Variants in CLYBL observed in about 807,000 individuals in gnomAD.
The protein encoded by CLYBL is citramalyl-CoA lyase, mitochondrial.
A neutral mutation model predicts 38.9 loss-of-function variants in CLYBL; 31 were observed. The observed-to-expected ratio is 0.80, with a 90% CI of 0.60 to 1.08. CLYBL has a LOEUF of 1.08. CLYBL is among the 50% of genes least tolerant of loss of function. The probability of loss-of-function intolerance (pLI) is 0.00; values close to 1 mark genes in which losing one functional copy is unlikely to be tolerated. For missense variants in CLYBL, 434 were observed against 411.6 expected (o/e 1.05, Z -0.47); for synonymous variants, 171 against 158.6 (o/e 1.08, Z -0.59).
intron 2 of CLYBL, among the ~76,000 whole-genome samples, chr13:99,828,866 G>C (rs950658441): frequency 6.6e-6 from 1 of 151,994 alleles, no homozygotes; most frequent in Non-Finnish European, 1.5e-5. Flanking sequence ...GCTCCATCAC[G>C]GTGTCCAAAA....
At chr13:99,773,414 G>A (rs2049442225) in intron 2 of CLYBL, among the ~76,000 whole-genome samples, 1 of 152,164 alleles carries the variant, frequency 6.6e-6, no homozygotes. Flanking sequence ...AGCAGTGGGT[G>A]AACAAGCATT....
chr13:99,866,241 T>G lies in CLYBL; in HGVS notation c.636T>G (p.Gly212=). The G allele has an allele frequency of 6.2e-7, 1 of 1,612,640 alleles. No individual in the cohort carries two copies. The change falls in exon 6 of 9, where the codon GGT becomes GGG. Residue 212 remains glycine, a splice_region_variant and synonymous_variant. Transcript: ENST00000339105. The stretch of plus-strand genomic sequence containing the variant: ...TTTCTGTTAACATCCCATTTTCAGG[T>G]GCAACAAGTAGTAAAGAAACCCTGG... ...FGGEDFRASI[G]ATSSKETLDI... is the part of the protein sequence containing the mutation.
intron 2 of CLYBL, among the ~76,000 whole-genome samples, chr13:99,774,201 C>T (rs2049461610): frequency 6.6e-6 from 1 of 151,960 alleles, no homozygotes; most frequent in Non-Finnish European, 1.5e-5. Context: ...CCACTGCACT[C>T]CAGCTTGGGC....
chr13:99,862,970 C>T, intron 3 of CLYBL, 21 bp from the exon 4 acceptor site: 2 of 1,460,942 alleles, frequency 1.4e-6, no homozygotes, highest in South Asian at 1.2e-5. Flanking sequence ...CACTAATCAC[C>T]TATGACACTT....
chr13:99,826,242 G>A (rs2050693694), intron 2 of CLYBL, among the ~76,000 whole-genome samples: 1 of 152,194 alleles, frequency 6.6e-6, no homozygotes, highest in Non-Finnish European at 1.5e-5. Context: ...CCCTCCATAA[G>A]GTGAGTGGGC....
chr13:99,848,456 T>G (rs2051257800), intron 2 of CLYBL, among the ~76,000 whole-genome samples: 1 of 152,204 alleles, frequency 6.6e-6, no homozygotes, highest in Non-Finnish European at 1.5e-5. Context: ...AGGCAGAATC[T>G]GGGCATGGTA....
intron 7 of CLYBL, among the ~76,000 whole-genome samples, chr13:99,875,839 T>C (rs2052024914): frequency 6.6e-6 from 1 of 152,160 alleles, no homozygotes; most frequent in Non-Finnish European, 1.5e-5. Context: ...TAACTCTGTT[T>C]TAGAGATTCT....
chr13:99,743,614 G>C (rs1193558759), intron 1 of CLYBL, among the ~76,000 whole-genome samples: 3 of 152,206 alleles, frequency 2.0e-5, no homozygotes, highest in African/African-American at 7.2e-5. Flanking sequence ...TGGCTGTACT[G>C]AGGAAACGCT....
rs138196722 is a variant in CLYBL at position 99,719,457 on chromosome 13, T to C, written c.63-53367T>C. Among the ~76,000 whole-genome samples the C allele has an allele frequency of 6.6e-5, 10 of 151,696 alleles. No homozygotes were observed. In the East Asian group the frequency reaches 1.8e-3, roughly 27 times the overall value. ...GAGCCACCATGTCCAGCCAAGAACC[T>C]GTTCTATGCCAGTCACATCAAGAAA... is the stretch of plus-strand genomic sequence containing the variant. On this transcript the variant is annotated intron_variant, in intron 1 of 8. Transcript: ENST00000339105.
At chr13:99,613,156 T>C (rs189054275) in intron 1 of CLYBL, among the ~76,000 whole-genome samples, 35 of 152,286 alleles carry the variant, frequency 2.3e-4, no homozygotes, top group African/African-American at 7.5e-4. Context: ...CTTATGTTGA[T>C]ACTCTGTTTC....
intron 1 of CLYBL, among the ~76,000 whole-genome samples, chr13:99,637,712 C>T (rs941794216): frequency 6.6e-5 from 10 of 152,124 alleles, no homozygotes; most frequent in African/African-American, 2.2e-4. Context: ...GAGCTGAGAT[C>T]GCGCCACTGC....
intron 1 of CLYBL, among the ~76,000 whole-genome samples, chr13:99,711,141 G>A (rs2139491271): frequency 6.6e-6 from 1 of 152,178 alleles, no homozygotes; most frequent in South Asian, 2.1e-4. Flanking sequence ...GCCTCCCAAA[G>A]TGCCAGGATT....
At chr13:99,820,575 T>C (rs2139030924) in intron 2 of CLYBL, among the ~76,000 whole-genome samples, 1 of 151,932 alleles carries the variant, frequency 6.6e-6, no homozygotes, top group African/African-American at 2.4e-5. Flanking sequence ...GGGATCATTG[T>C]CATGTTGCTT....
chr13:99,612,386 CTT>C (rs56097059), intron 1 of CLYBL, among the ~76,000 whole-genome samples: 3 of 112,340 alleles, frequency 2.7e-5, no homozygotes, highest in Non-Finnish European at 3.4e-5. Flanking sequence ...GACCTTTCTA[CTT>C]TTTTTTTTTT....
At chr13:99,719,134 G>T (rs1314323036) in intron 1 of CLYBL, among the ~76,000 whole-genome samples, 1 of 149,910 alleles carries the variant, frequency 6.7e-6, no homozygotes, top group Non-Finnish European at 1.5e-5. Context: ...TTACAGGCAT[G>T]AACCACCACA....
At chr13:99,607,482 C>T (rs1250652625) in intron 1 of CLYBL, among the ~76,000 whole-genome samples, 2 of 152,178 alleles carry the variant, frequency 1.3e-5, no homozygotes, top group East Asian at 3.9e-4. Context: ...ACCCTCTCAA[C>T]GGGTCTCAGG....
chr13:99,870,067 T>C (rs542832853), intron 6 of CLYBL, among the ~76,000 whole-genome samples: 12 of 152,230 alleles, frequency 7.9e-5, no homozygotes, highest in African/African-American at 2.2e-4. Flanking sequence ...ATTTAAAATC[T>C]TTCAACTATA....
At chr13:99,652,670 G>T (rs549240116) in intron 1 of CLYBL, among the ~76,000 whole-genome samples, 8 of 152,224 alleles carry the variant, frequency 5.3e-5, no homozygotes, top group African/African-American at 1.9e-4. Flanking sequence ...GATGAGGTGC[G>T]AAAGGGTCCC....
chr13:99,765,691 G>A (rs953997269), intron 1 of CLYBL, among the ~76,000 whole-genome samples: 1 of 151,814 alleles, frequency 6.6e-6, no homozygotes, highest in Non-Finnish European at 1.5e-5. Flanking sequence ...CAACAGGCAC[G>A]TGCCACAATG....
Sources: gnomAD v4.1 joint callset for allele counts (sites outside exome capture counted in the v4.1 genomes callset) on GRCh38, gnomAD v4.1.1 for gene constraint, MANE v1.5 for transcripts, NCBI Gene and HGNC (gene_info 2026-07-23, HGNC 2026-07-21) for gene names.